Variants in CCT6A observed in about 807,000 individuals in gnomAD.
CCT6A encodes chaperonin containing TCP1 subunit 6A, also known as T-complex protein 1 subunit zeta.
A neutral mutation model predicts 58.6 loss-of-function variants in CCT6A; 6 were observed. The observed-to-expected ratio is 0.10, with a 90% CI of 0.06 to 0.20. CCT6A has a LOEUF of 0.20. CCT6A is among the 10% of genes least tolerant of loss of function. CCT6A has a pLI of 1.00. For missense variants in CCT6A, 516 were observed against 648.8 expected (o/e 0.80, Z 2.22); for synonymous variants, 245 against 227.8 (o/e 1.08, Z -0.68).
Position 56,052,464 on chromosome 7 carries a change from C to T in CCT6A, c.180C>T (p.Gly60=), listed in dbSNP as rs750826733. The change falls in exon 2 of 14, where the codon GGC becomes GGT. Residue 60 remains glycine, a synonymous_variant. Coordinates refer to ENST00000275603, the MANE Select transcript of CCT6A (RefSeq NM_001762.4). ...GAGACATCAAACTTACTAAAGACGG[C>T]AATGTGCTGCTTCACGAAATGGTGA... ...GAGDIKLTKD[G]NVLLHEMQIQ... The T allele has an allele frequency of 6.2e-7, 1 of 1,613,948 alleles. No individual in the cohort carries two copies. The highest frequency in any genetic ancestry group is 8.5e-7 in the Non-Finnish European group (1 of 1,179,802).
In CCT6A at chr7:56,057,241, A is replaced by G. The variant is rs376889534; in HGVS notation, c.615-752A>G. 1.2e-4 allele frequency among the ~76,000 whole-genome samples: 18 copies of G among 152,348 alleles called. No homozygotes were observed. In the South Asian group the frequency reaches 3.5e-3, roughly 30 times the overall value. ...AGAATGATTCTGAAAAGTGAACAAC[A>G]TCAGTCATTTGGCATTTATTGAATT... On this transcript the variant is annotated intron_variant, in intron 5 of 13. Coordinates refer to ENST00000275603, the MANE Select transcript of CCT6A (RefSeq NM_001762.4).
chr7:56,052,897 G>A (rs1289078423), intron 2 of CCT6A, among the ~76,000 whole-genome samples: 1 of 151,702 alleles, frequency 6.6e-6, no homozygotes, highest in Admixed American at 6.6e-5. Flanking sequence ...GGGTTCAAGC[G>A]ATTCTTCTGT....
chr7:56,057,977 G>A lies in CCT6A; in HGVS notation c.615-16G>A, dbSNP rs528101378. ...TCTGAAAATCAATAACCATAATTTT[G>A]TGTGTGTTTAAACAGCTTAATCAGA... On this transcript the variant is annotated splice_polypyrimidine_tract_variant and intron_variant, in intron 5 of 13. Transcript: ENST00000275603. 1 of 1,370,682 alleles carries A rather than the reference G, an allele frequency of 7.3e-7. No homozygotes were observed. Among genetic ancestry groups the A allele is most frequent in the East Asian group, 2.3e-5 (1 of 43,668 alleles). 84.9% of individuals were successfully genotyped at this position (1,370,682 alleles called of 1,614,324 possible).
chr7:56,062,033 G>A (rs1370294871), intron 12 of CCT6A, 184 bp downstream of exon 12: 4 of 440,820 alleles, frequency 9.1e-6, no homozygotes, highest in African/African-American at 6.3e-5. Context: ...ATTAAGGGAC[G>A]AGTAGACATG....
At chr7:56,058,732 T>C in intron 8 of CCT6A, 30 bp downstream of exon 8, 1 of 1,303,420 alleles carries the variant, frequency 7.7e-7, no homozygotes, top group Non-Finnish European at 1.1e-6. Context: ...TTTACTCATT[T>C]TGCAAGTGAA....
chr7:56,056,838 A>G (rs1037981656), intron 5 of CCT6A, among the ~76,000 whole-genome samples: 5 of 146,726 alleles, frequency 3.4e-5, no homozygotes, highest in African/African-American at 1.3e-4. Flanking sequence ...TCTGTCGCCC[A>G]GCCTGGAGTG....
At chr7:56,062,970 G>T in intron 13 of CCT6A, 43 bp from the exon 14 acceptor site, 1 of 1,454,444 alleles carries the variant, frequency 6.9e-7, no homozygotes, top group Non-Finnish European at 9.7e-7. Context: ...TCGAATTAGG[G>T]CTCCTAATCA....
chr7:56,062,816 C>A, intron 13 of CCT6A, 61 bp downstream of exon 13: 1 of 1,435,398 alleles, frequency 7.0e-7, no homozygotes, highest in Non-Finnish European at 9.8e-7. Flanking sequence ...ATTTGGTGTT[C>A]TCTGTTTAGT....
chr7:56,054,493 A>G lies in CCT6A; in HGVS notation c.326A>G (p.Tyr109Cys). The G allele has an allele frequency of 1.9e-6, 3 of 1,612,928 alleles. No homozygotes were observed. Among genetic ancestry groups the G allele is most frequent in the Middle Eastern group, 1.7e-4 (1 of 6,022 alleles). Residue 109 changes from tyrosine to cysteine, a missense_variant, in exon 3 of 14, where the codon TAC becomes TGC. Transcript: ENST00000275603. ...IGELLKQADL[Y>C]ISEGLHPRII... ...GAGCTGCTGAAACAGGCGGATCTCT[A>G]CATTTCTGAAGTATGCACAACTCTT...
chr7:56,051,902 G>C lies in CCT6A; in HGVS notation c.54G>C (p.Ala18=), dbSNP rs772819900. The C allele has an allele frequency of 1.9e-6, 3 of 1,554,876 alleles. No homozygotes were observed. The highest frequency in any genetic ancestry group is 2.6e-6 in the Non-Finnish European group (3 of 1,149,404). ...AGGCCGAGGTGGCCCGAGCGCAGGC[G>C]GCGCTGGCGGTCAACATCAGCGCAG... ...NPKAEVARAQ[A]ALAVNISAAR... Residue 18 remains alanine (A), a synonymous_variant, in exon 1 of 14, where the codon GCG becomes GCC. Transcript: ENST00000275603.
intron 9 of CCT6A, 157 bp from the exon 10 acceptor site, chr7:56,060,112 A>T: frequency 1.6e-6 from 1 of 625,106 alleles, no homozygotes; most frequent in Non-Finnish European, 2.8e-6. Context: ...GGAAAATCAC[A>T]TTTCTTTTAT....
In CCT6A at chr7:56,055,811, T is replaced by A. The variant is rs529251204; in HGVS notation, c.510+14T>A. On this transcript the variant is annotated intron_variant, in intron 4 of 13. Transcript: ENST00000275603. ...GTCTTAACAGAGGTATGTATTAAAT[T>A]TTGTCTATGTCTGGTATAGTATACC... The A allele has an allele frequency of 8.6e-5, 137 of 1,600,786 alleles. 1 individual carries two copies. The highest frequency in any genetic ancestry group is 1.1e-4 in the Non-Finnish European group (128 of 1,168,964).
At chr7:56,054,863 C>A (rs778719662) in intron 3 of CCT6A, among the ~76,000 whole-genome samples, 2 of 152,192 alleles carry the variant, frequency 1.3e-5, no homozygotes, top group Non-Finnish European at 2.9e-5. Context: ...CTGACTAGTT[C>A]CAAGGTTAAA....
Position 56,056,326 on chromosome 7 carries a change from AT to A in CCT6A, c.530del (p.Leu177TrpfsTer14). 1 of 1,570,142 alleles carries A rather than the reference AT, an allele frequency of 6.4e-7. No individual in the cohort carries two copies. Among genetic ancestry groups the A allele is most frequent in the Non-Finnish European group, 8.8e-7 (1 of 1,139,972 alleles). On this transcript the variant is annotated frameshift_variant, in exon 5 of 14. Transcript: ENST00000275603. LOFTEE classifies it high-confidence loss of function. ...CCAATTGCAGGCTGTAGTGGACTCCATTTTGGCCATTAAAAAGCAAGATGAA... is the reference window on the plus strand; with the variant it reads ...CCAATTGCAGGCTGTAGTGGACTCCATTTGGCCATTAAAAAGCAAGATGAA... ...DVLTEAVVDSILAIKKQDEPI... is the reference protein window; with the variant it reads ...DVLTEAVVDSXLAIKKQDEPI...
chr7:56,056,218 G>A (rs1794300000), intron 4 of CCT6A, 93 bp from the exon 5 acceptor site: 2 of 771,886 alleles, frequency 2.6e-6, no homozygotes, highest in African/African-American at 1.7e-5. Context: ...GTGTAGAATT[G>A]TAAAATGAAA....
At chr7:56,055,576 T>C (rs1474511369) in intron 3 of CCT6A, 48 bp from the exon 4 acceptor site, 1 of 1,455,148 alleles carries the variant, frequency 6.9e-7, no homozygotes, top group Admixed American at 1.7e-5. Context: ...TCATGAACTA[T>C]GGTTGCACCT....
intron 9 of CCT6A, 33 bp downstream of exon 9, chr7:56,059,673 C>T (rs766409952): frequency 2.0e-6 from 2 of 1,017,330 alleles, no homozygotes; most frequent in East Asian, 2.4e-5. Context: ...GGTAATAGAA[C>T]CTTTTAGCTC....
In CCT6A at chr7:56,055,610, T is replaced by C; in HGVS notation, c.337-14T>C. 1 of 1,608,204 alleles carries C rather than the reference T, an allele frequency of 6.2e-7. No individual in the cohort carries two copies. Among genetic ancestry groups the C allele is most frequent in the Non-Finnish European group, 8.5e-7 (1 of 1,175,234 alleles). On this transcript the variant is annotated splice_polypyrimidine_tract_variant and intron_variant, in intron 3 of 13. Coordinates refer to ENST00000275603, the MANE Select transcript of CCT6A (RefSeq NM_001762.4). ...CTAATTGAAGATGCAAGTGTTAATG[T>C]GTGTTTATTTTAGGGCCTTCATCCT...
At position 56,063,970 on chromosome 7, in the gene CCT6A, A is replaced by C; in HGVS notation, c.*885A>C. The C allele has an allele frequency of 2.2e-6, 1 of 458,326 alleles. No individual in the cohort carries two copies. Among genetic ancestry groups the C allele is most frequent in the Non-Finnish European group, 3.8e-6 (1 of 260,808 alleles). The allele number at this position is 458,326 out of a possible 1,614,324, so 28.4% of individuals were successfully genotyped here. ...AGTGGCCTGAAGTGAGTTGTGCAAT[A>C]AATGTTAAGTTGAAACCTCCTTTCT... On this transcript the variant is annotated 3_prime_UTR_variant, in exon 14 of 14. Coordinates refer to ENST00000275603, the MANE Select transcript of CCT6A (RefSeq NM_001762.4).
Sources: gnomAD v4.1 joint callset for allele counts (sites outside exome capture counted in the v4.1 genomes callset) on GRCh38, gnomAD v4.1.1 for gene constraint, MANE v1.5 for transcripts, NCBI Gene and HGNC (gene_info 2026-07-23, HGNC 2026-07-21) for gene names.